Variants in FGD6 observed in about 807,000 individuals in gnomAD.
FGD6 encodes FYVE, RhoGEF and PH domain containing 6.
In FGD6, 90 loss-of-function variants were observed where a neutral mutation model predicts 149.4. The observed-to-expected ratio is 0.60, with a 90% CI of 0.51 to 0.72. FGD6 has a LOEUF of 0.72. Among genes scored for constraint, FGD6 ranks in the 30% least tolerant of loss-of-function variants. The probability of loss-of-function intolerance (pLI) is 0.00; values close to 1 mark genes in which losing one functional copy is unlikely to be tolerated. For synonymous variants in FGD6, 527 were observed against 584.0 expected, an observed-to-expected ratio of 0.90 and a Z score of 1.41; for missense variants, 1,437 against 1,684.8, an observed-to-expected ratio of 0.85 and a Z score of 2.57.
chr12:95,110,330 C>T (rs116848449), intron 9 of FGD6, among the ~76,000 whole-genome samples: 7,117 of 149,198 alleles, frequency 0.048, 247 homozygotes, highest in East Asian at 0.15. Flanking sequence ...GCAGGTTTTT[C>T]CTTATATAGA....
In FGD6 at chr12:95,078,137, T is replaced by G. The variant is rs1245565335; in HGVS notation, c.*3383A>C. The G allele has an allele frequency of 6.6e-6, 1 of 152,212 alleles. No individual in the cohort carries two copies. The highest frequency in any genetic ancestry group is 1.5e-5 in the Non-Finnish European group (1 of 68,068). 9.4% of individuals were successfully genotyped at this position (152,212 alleles called of 1,614,324 possible). ...GGAGGATTGCTTAAGCCCAGGCATT[T>G]GAGTTCAGCATGGGAAACATAGCGA... On this transcript the variant is annotated 3_prime_UTR_variant, in exon 21 of 21. Coordinates refer to ENST00000343958, the MANE Select transcript of FGD6 (RefSeq NM_018351.4).
At chr12:95,144,650 C>T (rs988575546) in intron 5 of FGD6, among the ~76,000 whole-genome samples, 6 of 150,774 alleles carry the variant, frequency 4.0e-5, no homozygotes, top group African/African-American at 1.2e-4. Flanking sequence ...CCTCGGCCTC[C>T]CAAAGTGCTG....
intron 15 of FGD6, among the ~76,000 whole-genome samples, chr12:95,094,082 C>T (rs1450995705): frequency 6.6e-6 from 1 of 151,400 alleles, no homozygotes; most frequent in Non-Finnish European, 1.5e-5. Flanking sequence ...CCACTTGAAC[C>T]CAGGAGGCAG....
intron 2 of FGD6, among the ~76,000 whole-genome samples, chr12:95,197,318 A>C (rs995168508): frequency 6.6e-6 from 1 of 151,992 alleles, no homozygotes; most frequent in African/African-American, 2.4e-5. Context: ...TGCACCTGTA[A>C]TCCCAGCTAC....
At chr12:95,105,318 A>C (rs1878576259) in intron 13 of FGD6, among the ~76,000 whole-genome samples, 1 of 152,138 alleles carries the variant, frequency 6.6e-6, no homozygotes, top group South Asian at 2.1e-4. Context: ...CTCCACCTGG[A>C]ATGCCTTTCC....
intron 2 of FGD6, among the ~76,000 whole-genome samples, chr12:95,173,817 AGCAGGTCACAG>A (rs1278881953): frequency 6.6e-6 from 1 of 152,114 alleles, no homozygotes; most frequent in African/African-American, 2.4e-5. Flanking sequence ...AGGCTCTTTC[AGCAGGTCACAG>A]GCAGGTCACT....
chr12:95,090,304 A>G (rs2367082), intron 17 of FGD6, among the ~76,000 whole-genome samples: 40,695 of 151,870 alleles, frequency 0.27, 5,804 homozygotes, highest in East Asian at 0.32. Context: ...ATTAAAAAAA[A>G]GGGGCTGGTT....
At chr12:95,168,165 G>A (rs376310634) in intron 3 of FGD6, among the ~76,000 whole-genome samples, 1 of 152,192 alleles carries the variant, frequency 6.6e-6, no homozygotes, top group East Asian at 1.9e-4. Flanking sequence ...GTTAGTAAGT[G>A]ACAAATCTAA....
At chr12:95,166,852 T>C (rs1243698933) in intron 3 of FGD6, among the ~76,000 whole-genome samples, 1 of 136,300 alleles carries the variant, frequency 7.3e-6, no homozygotes, top group Non-Finnish European at 1.5e-5. Flanking sequence ...GGGTTCTTTC[T>C]ACTTTTTTTT....
chr12:95,187,103 G>A (rs922927077), intron 2 of FGD6, among the ~76,000 whole-genome samples: 10 of 152,170 alleles, frequency 6.6e-5, no homozygotes, highest in Admixed American at 5.9e-4. Flanking sequence ...ATGCCGAGGC[G>A]GGCAGATCAT....
intron 18 of FGD6, among the ~76,000 whole-genome samples, chr12:95,088,475 G>A (rs1199151859): frequency 6.6e-6 from 1 of 152,110 alleles, no homozygotes; most frequent in Non-Finnish European, 1.5e-5. Context: ...AAAAAGAGGA[G>A]TTTCTAAAAA....
chr12:95,178,132 T>G (rs1040903159), intron 2 of FGD6, among the ~76,000 whole-genome samples: 10 of 152,044 alleles, frequency 6.6e-5, no homozygotes, highest in African/African-American at 2.4e-4. Flanking sequence ...AATTCTAGAA[T>G]TTTCTCCATC....
chr12:95,092,611 T>C, intron 16 of FGD6, 88 bp downstream of exon 16: 2 of 1,314,398 alleles, frequency 1.5e-6, no homozygotes, highest in East Asian at 2.4e-5. Context: ...TGAACTATAA[T>C]GGTTTATGAG....
intron 2 of FGD6, among the ~76,000 whole-genome samples, chr12:95,207,773 C>T (rs982439907): frequency 6.6e-6 from 1 of 152,170 alleles, no homozygotes; most frequent in South Asian, 2.1e-4. Context: ...TACATTAAGA[C>T]AGCCTGAGAT....
At chr12:95,179,891 C>G (rs1273995508) in intron 2 of FGD6, among the ~76,000 whole-genome samples, 1 of 151,962 alleles carries the variant, frequency 6.6e-6, no homozygotes, top group African/African-American at 2.4e-5. Flanking sequence ...CCAGCCTGAC[C>G]AACATGGAGA....
At position 95,106,927 on chromosome 12, in the gene FGD6, AACAAAAC is replaced by A; in HGVS notation, c.3417+20_3417+26del. ...CAAAACAAAACAAAACAAAACAAAA[AACAAAAC>A]ATCTAACAGATGCACACACCTTCAT... On this transcript the variant is annotated intron_variant, in intron 13 of 20. Transcript: ENST00000343958. 7.0e-7 allele frequency: 1 copy of A among 1,437,634 alleles called. No homozygotes were observed. The highest frequency in any genetic ancestry group is 9.5e-7 in the Non-Finnish European group (1 of 1,058,046). 89.1% of individuals were successfully genotyped at this position (1,437,634 alleles called of 1,614,324 possible). A position where few individuals can be genotyped will look rare whatever the true frequency, so the allele number is the denominator to read the frequency against.
chr12:95,086,992 C>A (rs371116309), intron 18 of FGD6, among the ~76,000 whole-genome samples: 1 of 151,720 alleles, frequency 6.6e-6, no homozygotes, highest in Non-Finnish European at 1.5e-5. Context: ...GGATTACAGG[C>A]GTGCACCACC....
rs185383491 is a variant in FGD6, at chr12:95,151,553, C to G, written c.2685+1258G>C. Among the ~76,000 whole-genome samples, 6 of 152,292 alleles carry G rather than the reference C, an allele frequency of 3.9e-5. No homozygotes were observed. The South Asian group carries it at 6.2e-4, about 16-fold the overall frequency. On this transcript the variant is annotated intron_variant, in intron 5 of 20. Coordinates refer to ENST00000343958, the MANE Select transcript of FGD6 (RefSeq NM_018351.4). Reference sequence around the variant, plus strand: ...ACAGTGCTGGGATTACAGTCATGAGCCACCACACCATGCCAGGCCCCTGGG... The same window carrying G: ...ACAGTGCTGGGATTACAGTCATGAGGCACCACACCATGCCAGGCCCCTGGG...
intron 11 of FGD6, 134 bp from the exon 12 acceptor site, chr12:95,107,765 TAC>T: frequency 1.2e-6 from 1 of 834,938 alleles, no homozygotes; most frequent in Non-Finnish European, 1.9e-6. Flanking sequence ...TGAGATTTTT[TAC>T]AGTCATAGTT....
Sources: allele counts gnomAD v4.1 joint callset (sites outside exome capture counted in the v4.1 genomes callset), GRCh38; gene constraint gnomAD v4.1.1; transcripts MANE v1.5; gene names NCBI Gene and HGNC (gene_info 2026-07-23, HGNC 2026-07-21).